The following NYAP2 variants were observed in gnomAD, a reference collection of about 807,000 sequenced individuals.
NYAP2 encodes neuronal tyrosine-phosphorylated phosphoinositide-3-kinase adapter 2.
Under a neutral mutation model 50.4 loss-of-function variants are expected in NYAP2, and 23 were observed. That is an observed-to-expected ratio of 0.46 (90% confidence interval 0.33 to 0.65). The LOEUF (loss-of-function observed/expected upper bound fraction) is 0.65. Ranked by LOEUF, NYAP2 falls within the 30% of genes least tolerant of loss-of-function variation. The pLI, the probability that NYAP2 is intolerant of heterozygous loss-of-function variation, is 0.02. For synonymous variants in NYAP2, 394 were observed against 365.2 expected, an observed-to-expected ratio of 1.08 and a Z score of -0.90; for missense variants, 885 against 861.0, an observed-to-expected ratio of 1.03 and a Z score of -0.35.
the NYAP2 span, among the ~76,000 whole-genome samples, chr2:225,692,514 T>A: frequency 6.6e-6 from 1 of 152,134 alleles, no homozygotes; most frequent in Admixed American, 6.6e-5. Flanking sequence ...GATTTCTCCA[T>A]TTATATGCTT....
intron 5 of NYAP2, among the ~76,000 whole-genome samples, chr2:225,590,638 G>C (rs960159097): frequency 6.6e-6 from 1 of 152,146 alleles, no homozygotes; most frequent in Non-Finnish European, 1.5e-5. Flanking sequence ...ATCTAACAAG[G>C]TTAAAAGATA....
chr2:225,676,787 T>C, the NYAP2 span, among the ~76,000 whole-genome samples: 2 of 152,306 alleles, frequency 1.3e-5, no homozygotes, highest in East Asian at 3.9e-4. Context: ...CTATATCAAG[T>C]ACTATGCTGT....
intron 6 of NYAP2, among the ~76,000 whole-genome samples, chr2:225,638,205 G>A (rs564037605): frequency 2.7e-5 from 4 of 150,722 alleles, no homozygotes; most frequent in South Asian, 2.1e-4. Flanking sequence ...GTGGGAGGGG[G>A]GTGAGAGAGA....
intron 3 of NYAP2, among the ~76,000 whole-genome samples, chr2:225,459,674 C>G (rs1055146642): frequency 1.3e-5 from 2 of 151,698 alleles, no homozygotes; most frequent in East Asian, 1.9e-4. Flanking sequence ...GATGGTGTCT[C>G]GCTCTGTCGC....
chr2:225,468,269 G>A (rs1338037677), intron 3 of NYAP2, among the ~76,000 whole-genome samples: 1 of 152,194 alleles, frequency 6.6e-6, no homozygotes, highest in Non-Finnish European at 1.5e-5. Flanking sequence ...GACACGAAGA[G>A]GAAAAACAGC....
In NYAP2 at chr2:225,644,558, G is replaced by T. The variant is rs1372536418; in HGVS notation, c.1829-6874G>T. ...TGGTAATGCCTAGGTTTTCTTCTAG[G>T]ATTTTTATGGTTTTAGGTCTAACGT... is the stretch of plus-strand genomic sequence containing the variant. On this transcript the variant is annotated intron_variant, in intron 6 of 6. Transcript: ENST00000636099. 6.6e-5 allele frequency among the ~76,000 whole-genome samples: 10 copies of T among 151,120 alleles called. No individual in the cohort carries two copies. The East Asian group carries it at 1.5e-3, about 23-fold the overall frequency.
intron 3 of NYAP2, among the ~76,000 whole-genome samples, chr2:225,410,553 A>G (rs1478006544): frequency 1.3e-5 from 2 of 152,122 alleles, no homozygotes; most frequent in African/African-American, 4.8e-5. Context: ...TTTGAAAGTA[A>G]CTTCAAAACT....
intron 3 of NYAP2, among the ~76,000 whole-genome samples, chr2:225,460,037 G>C (rs1689801879): frequency 6.6e-6 from 1 of 152,124 alleles, no homozygotes; most frequent in Admixed American, 6.5e-5. Context: ...GAAAGTACTA[G>C]CAATTGAGGT....
At chr2:225,650,824 C>G (rs768869375) in intron 6 of NYAP2, among the ~76,000 whole-genome samples, 16 of 152,314 alleles carry the variant, frequency 1.1e-4, no homozygotes, top group South Asian at 2.1e-4. Context: ...TCTAAAGCAT[C>G]CTGTCAGTGG....
At chr2:225,684,026 G>T in the NYAP2 span, among the ~76,000 whole-genome samples, 1 of 152,104 alleles carries the variant, frequency 6.6e-6, no homozygotes, top group Non-Finnish European at 1.5e-5. Flanking sequence ...TGATTACTTG[G>T]GGAGTAAGTG....
chr2:225,593,464 G>A (rs923916696), intron 5 of NYAP2, among the ~76,000 whole-genome samples: 9 of 152,062 alleles, frequency 5.9e-5, no homozygotes, highest in South Asian at 2.1e-4. Context: ...AAAGGACTTC[G>A]CCAGAAACTT....
intron 4 of NYAP2, among the ~76,000 whole-genome samples, chr2:225,569,493 T>G (rs1692028943): frequency 6.6e-6 from 1 of 152,104 alleles, no homozygotes; most frequent in South Asian, 2.1e-4. Context: ...CATGTCACAG[T>G]GCTGTATTTT....
chr2:225,572,350 T>C (rs1397055117), intron 4 of NYAP2, among the ~76,000 whole-genome samples: 1 of 152,220 alleles, frequency 6.6e-6, no homozygotes, highest in Non-Finnish European at 1.5e-5. Context: ...GGGTAATTTA[T>C]AAAGAAAAGA....
chr2:225,402,772 G>A (rs1340477971), intron 2 of NYAP2, among the ~76,000 whole-genome samples: 1 of 152,006 alleles, frequency 6.6e-6, no homozygotes, highest in Non-Finnish European at 1.5e-5. Context: ...CACTGAGAAT[G>A]AGAAAATGAG....
chr2:225,515,191 A>C, intron 4 of NYAP2, among the ~76,000 whole-genome samples: 1 of 152,250 alleles, frequency 6.6e-6, no homozygotes, highest in Non-Finnish European at 1.5e-5. Context: ...TGCTATACAT[A>C]TGCAAAAAAT....
rs112156668 is a variant in NYAP2 at position 225,622,955 on chromosome 2, G to T, written c.1619-3962G>T. Among the ~76,000 whole-genome samples, 1,273 of 152,104 alleles carry T rather than the reference G, an allele frequency of 8.4e-3. 27 individuals carry two copies. The highest frequency in any genetic ancestry group is 0.029 in the African/African-American group (1,222 of 41,488). On this transcript the variant is annotated intron_variant, in intron 5 of 6. Coordinates refer to ENST00000636099, the Ensembl canonical transcript of NYAP2. Reference sequence around the variant, plus strand: ...TTTAAAAATGTCTATAAATACTTAGGTCCTCCAAATGCTCTTTGGATCAGC... The same window carrying T: ...TTTAAAAATGTCTATAAATACTTAGTTCCTCCAAATGCTCTTTGGATCAGC...
chr2:225,510,779 T>TTGTGTGTG (rs146231874), intron 3 of NYAP2, among the ~76,000 whole-genome samples: 114 of 148,494 alleles, frequency 7.7e-4, no homozygotes, highest in Admixed American at 6.1e-3. Context: ...GTTAATGTGT[T>TTGTGTGTG]TGTGTGTGTG....
chr2:225,668,978 T>C, the NYAP2 span, among the ~76,000 whole-genome samples: 1 of 143,304 alleles, frequency 7.0e-6, no homozygotes, highest in African/African-American at 2.7e-5. Context: ...TTTTTTTTTT[T>C]TTTTTTTTTG....
At chr2:225,677,775 T>C in the NYAP2 span, among the ~76,000 whole-genome samples, 6 of 152,300 alleles carry the variant, frequency 3.9e-5, no homozygotes, top group South Asian at 8.3e-4. Context: ...TTCTTGATCA[T>C]CTTAAATTAA....
Sources: gnomAD v4.1 joint callset for allele counts (sites outside exome capture counted in the v4.1 genomes callset) on GRCh38, gnomAD v4.1.1 for gene constraint, MANE v1.5 for transcripts, NCBI Gene and HGNC (gene_info 2026-07-23, HGNC 2026-07-21) for gene names.